The following SNTG1 variants were observed in gnomAD, a reference collection of about 807,000 sequenced individuals.
SNTG1 encodes the protein gamma-1-syntrophin.
SNTG1 carries 39 observed loss-of-function variants against 74.7 expected under a neutral mutation model. The observed-to-expected ratio is 0.52, with a 90% CI of 0.40 to 0.68. The LOEUF (loss-of-function observed/expected upper bound fraction) is 0.68, where lower values mean the gene tolerates loss of function less well. Among genes scored for constraint, SNTG1 ranks in the 30% least tolerant of loss-of-function variants. The pLI, the probability that SNTG1 is intolerant of heterozygous loss-of-function variation, is 0.00. For missense variants in SNTG1, 685 were observed against 609.5 expected (o/e 1.12, Z -1.30); for synonymous variants, 254 against 217.1 (o/e 1.17, Z -1.49).
intron 8 of SNTG1, among the ~76,000 whole-genome samples, chr8:50,464,174 T>C (rs1330182765): frequency 6.6e-6 from 1 of 152,176 alleles, no homozygotes; most frequent in African/African-American, 2.4e-5. Flanking sequence ...CAACTAAAAC[T>C]TTCTCCGTAT....
chr8:50,136,944 T>TAC lies in SNTG1; in HGVS notation c.-102-35616_-102-35615insCA, dbSNP rs1254710536. 2.0e-5 allele frequency among the ~76,000 whole-genome samples: 3 copies of TAC among 151,748 alleles called. No individual in the cohort carries two copies. The East Asian group carries it at 5.9e-4, about 30-fold the overall frequency. On this transcript the variant is annotated intron_variant, in intron 1 of 18. Coordinates refer to ENST00000642720, the MANE Select transcript of SNTG1 (RefSeq NM_018967.5). Reference sequence around the variant, plus strand: ...ATTTTAACTCTCTGTTGAAAAACAGTAGGTTTTCATCAAGCAGAAGAGAGC... The same window carrying TAC: ...ATTTTAACTCTCTGTTGAAAAACAGTACAGGTTTTCATCAAGCAGAAGAGAGC...
At chr8:50,208,483 C>A (rs1369866516) in intron 2 of SNTG1, among the ~76,000 whole-genome samples, 1 of 152,140 alleles carries the variant, frequency 6.6e-6, no homozygotes, top group Non-Finnish European at 1.5e-5. Flanking sequence ...CTTCTGAATA[C>A]AGCACACTGA....
chr8:50,597,953 C>T (rs1231229154), intron 13 of SNTG1, among the ~76,000 whole-genome samples: 2 of 151,618 alleles, frequency 1.3e-5, no homozygotes, highest in Non-Finnish European at 3.0e-5. Context: ...TTATATATTA[C>T]GGTTATTAAT....
In SNTG1 at chr8:50,466,016, T is replaced by C. The variant is rs557208265; in HGVS notation, c.363+15287T>C. ...AGCTTTGTAAGAAACTGCCAAACTG[T>C]TTTCCAAAGTGGCTATACCATTTTG... On this transcript the variant is annotated intron_variant, in intron 8 of 18. Coordinates refer to ENST00000642720, the MANE Select transcript of SNTG1 (RefSeq NM_018967.5). 2.0e-5 allele frequency among the ~76,000 whole-genome samples: 3 copies of C among 152,236 alleles called. No individual in the cohort carries two copies. The South Asian group carries it at 6.2e-4, about 32-fold the overall frequency.
chr8:50,310,473 G>T (rs2090065993), intron 2 of SNTG1, among the ~76,000 whole-genome samples: 1 of 152,132 alleles, frequency 6.6e-6, no homozygotes. Flanking sequence ...TGGGTCACCT[G>T]AGGTCAGAAG....
At chr8:50,450,950 T>C (rs2093451396) in intron 8 of SNTG1, among the ~76,000 whole-genome samples, 1 of 152,186 alleles carries the variant, frequency 6.6e-6, no homozygotes, top group South Asian at 2.1e-4. Context: ...TTAAAGATGG[T>C]CATTTTCTAT....
chr8:50,191,293 T>C (rs1301269924), intron 2 of SNTG1, among the ~76,000 whole-genome samples: 1 of 152,184 alleles, frequency 6.6e-6, no homozygotes, highest in African/African-American at 2.4e-5. Context: ...ACAGATATTT[T>C]ATCCTTTTTT....
Position 49,931,178 on chromosome 8 carries a change from G to T in SNTG1, c.-103+18947G>T, listed in dbSNP as rs898055769. 3.3e-5 allele frequency among the ~76,000 whole-genome samples: 5 copies of T among 152,316 alleles called. No individual in the cohort carries two copies. In the South Asian group the frequency reaches 8.3e-4, roughly 25 times the overall value. ...AAAATTACTAAATGTAACAAGCTCT[G>T]ATATACATGCAGAGCAACAGGAACT... is the stretch of plus-strand genomic sequence containing the variant. On this transcript the variant is annotated intron_variant, in intron 1 of 18. Coordinates refer to ENST00000642720, the MANE Select transcript of SNTG1 (RefSeq NM_018967.5).
chr8:50,317,479 G>A (rs78763635), intron 2 of SNTG1, among the ~76,000 whole-genome samples: 7,454 of 152,286 alleles, frequency 0.049, 231 homozygotes, highest in Middle Eastern at 0.11. Flanking sequence ...GAAAAGTAAT[G>A]CACATGCCTA....
At chr8:50,130,203 T>A (rs1393522876) in intron 1 of SNTG1, among the ~76,000 whole-genome samples, 1 of 152,230 alleles carries the variant, frequency 6.6e-6, no homozygotes, top group Non-Finnish European at 1.5e-5. Context: ...TTATCCTGAA[T>A]GTAGAACTGA....
At chr8:50,103,599 T>C (rs2080239358) in intron 1 of SNTG1, among the ~76,000 whole-genome samples, 2 of 152,208 alleles carry the variant, frequency 1.3e-5, no homozygotes, top group African/African-American at 4.8e-5. Flanking sequence ...AACACTATGT[T>C]GAATAGGAGT....
intron 1 of SNTG1, among the ~76,000 whole-genome samples, chr8:49,981,587 A>G (rs1038746645): frequency 1.3e-5 from 2 of 152,254 alleles, no homozygotes; most frequent in African/African-American, 4.8e-5. Flanking sequence ...TTTGTCTGCC[A>G]CCAACTATGA....
intron 1 of SNTG1, among the ~76,000 whole-genome samples, chr8:49,942,135 A>G (rs1808748450): frequency 6.6e-6 from 1 of 152,176 alleles, no homozygotes; most frequent in Admixed American, 6.5e-5. Context: ...AGTAAAGGTA[A>G]TATTGTAAAC....
intron 8 of SNTG1, among the ~76,000 whole-genome samples, chr8:50,497,886 C>T (rs778413940): frequency 1.3e-5 from 2 of 151,956 alleles, no homozygotes; most frequent in Non-Finnish European, 2.9e-5. Context: ...TGGCTTCTTT[C>T]ACTAAATATA....
intron 2 of SNTG1, among the ~76,000 whole-genome samples, chr8:50,281,044 G>C (rs931320085): frequency 1.3e-5 from 2 of 151,232 alleles, no homozygotes; most frequent in Admixed American, 1.3e-4. Context: ...CTAGAAAAGG[G>C]ACGAGGATTC....
chr8:50,274,253 AT>A (rs1416836243), intron 2 of SNTG1, among the ~76,000 whole-genome samples: 2 of 151,842 alleles, frequency 1.3e-5, no homozygotes, highest in African/African-American at 4.8e-5. Flanking sequence ...TGCCAGGCTA[AT>A]TTTTGTGTTT....
intron 5 of SNTG1, among the ~76,000 whole-genome samples, chr8:50,441,938 G>T (rs1177441316): frequency 6.6e-6 from 1 of 152,038 alleles, no homozygotes. Flanking sequence ...CCATTAAAAG[G>T]TAAAGACCAA....
intron 1 of SNTG1, among the ~76,000 whole-genome samples, chr8:49,939,740 T>C (rs1371025594): frequency 6.6e-6 from 1 of 152,176 alleles, no homozygotes; most frequent in Non-Finnish European, 1.5e-5. Context: ...ACTTGTTCTC[T>C]GTGGTATATT....
At position 50,176,499 on chromosome 8, in the gene SNTG1, T is replaced by C. The variant is rs181009544; in HGVS notation, c.-28+3864T>C. On this transcript the variant is annotated intron_variant, in intron 2 of 18. Coordinates refer to ENST00000642720, the MANE Select transcript of SNTG1 (RefSeq NM_018967.5). ...CCCACTGCCTATTTCTCTTGTTTCCTGGATCTGACTGCAAAAGCTTCATGT... is the reference window on the plus strand; with the variant it reads ...CCCACTGCCTATTTCTCTTGTTTCCCGGATCTGACTGCAAAAGCTTCATGT... Among the ~76,000 whole-genome samples, 17 of 152,316 alleles carry C rather than the reference T, an allele frequency of 1.1e-4. 1 individual carries two copies. Among genetic ancestry groups the C allele is most frequent in the Admixed American group, 7.8e-4 (12 of 15,294 alleles).
Sources: allele counts gnomAD v4.1 joint callset (sites outside exome capture counted in the v4.1 genomes callset), GRCh38; gene constraint gnomAD v4.1.1; transcripts MANE v1.5; gene names NCBI Gene and HGNC (gene_info 2026-07-23, HGNC 2026-07-21).